Variants in LCORL observed in about 807,000 individuals in gnomAD.
The protein encoded by LCORL is ligand dependent nuclear receptor corepressor like.
LCORL carries 41 observed loss-of-function variants against 141.8 expected under a neutral mutation model. The observed-to-expected ratio is 0.29, with a 90% CI of 0.23 to 0.38. The LOEUF is 0.38. Ranked by LOEUF, LCORL falls within the 10% of genes least tolerant of loss-of-function variation. The probability of loss-of-function intolerance (pLI) is 1.00; values close to 1 mark genes in which losing one functional copy is unlikely to be tolerated. For synonymous variants in LCORL, 618 were observed against 694.1 expected (o/e 0.89, Z 1.72); for missense variants, 1,759 against 2,035.0 (o/e 0.86, Z 2.61).
chr4:17,875,524 CA>C lies in LCORL; in HGVS notation c.3465del (p.His1155GlnfsTer7). Reference sequence around the variant, plus strand: ...CTTATGTTTACCCTTCCTTCAGAAACATGCCTTTTAGTTCTTCTTGACCTTC... The same window carrying C: ...CTTATGTTTACCCTTCCTTCAGAAACTGCCTTTTAGTTCTTCTTGACCTTC... On this transcript the variant is annotated frameshift_variant, in exon 7 of 8. Coordinates refer to ENST00000635767, the Ensembl canonical transcript of LCORL. LOFTEE classifies it high-confidence loss of function. 8.1e-7 allele frequency: 1 copy of C among 1,231,296 alleles called. No homozygotes were observed. 76.3% of individuals were successfully genotyped at this position (1,231,296 alleles called of 1,614,324 possible).
intron 1 of LCORL, among the ~76,000 whole-genome samples, chr4:17,987,625 T>G (rs1719219095): frequency 6.6e-6 from 1 of 152,174 alleles, no homozygotes; most frequent in South Asian, 2.1e-4. Flanking sequence ...GACAAACTGC[T>G]TCCCAAAGTG....
At chr4:17,902,552 T>C (rs1465527994) in intron 5 of LCORL, among the ~76,000 whole-genome samples, 3 of 152,110 alleles carry the variant, frequency 2.0e-5, no homozygotes, top group African/African-American at 7.2e-5. Context: ...CCAAACAGAA[T>C]TACAAAACTT....
chr4:17,966,753 T>G (rs1714964992), intron 2 of LCORL, among the ~76,000 whole-genome samples: 2 of 152,200 alleles, frequency 1.3e-5, no homozygotes, highest in Non-Finnish European at 2.9e-5. Context: ...ACTATATACC[T>G]GTTAGAATGG....
chr4:17,842,448 C>G, exon 8 of LCORL: 1 of 1,289,236 alleles, frequency 7.8e-7, no homozygotes, highest in South Asian at 1.2e-5. Context: ...TAGAAAAAAA[C>G]TAATTTTCTT....
At chr4:17,970,742 G>A (rs1489043667) in intron 2 of LCORL, among the ~76,000 whole-genome samples, 1 of 152,116 alleles carries the variant, frequency 6.6e-6, no homozygotes, top group East Asian at 1.9e-4. Flanking sequence ...TAATCCACAA[G>A]TTCTCTGAAA....
chr4:17,862,954 G>A (rs1166131105), intron 7 of LCORL, among the ~76,000 whole-genome samples: 1 of 151,918 alleles, frequency 6.6e-6, no homozygotes, highest in Non-Finnish European at 1.5e-5. Context: ...CATGCATCTG[G>A]CAAAGGTCTA....
At chr4:17,841,606 T>G (rs1268917957) in exon 8 of LCORL, 2 of 151,968 alleles carry the variant, frequency 1.3e-5, no homozygotes, top group African/African-American at 4.8e-5. Flanking sequence ...CAGATTTTTT[T>G]TGTGGTATAT....
At chr4:17,963,000 T>C (rs1380075333) in exon 3 of LCORL, 3 of 1,597,840 alleles carry the variant, frequency 1.9e-6, no homozygotes, top group Non-Finnish European at 2.6e-6. Flanking sequence ...GGTTACAAAA[T>C]GAACATTTTT....
chr4:17,862,515 C>G (rs1725132577), intron 7 of LCORL, among the ~76,000 whole-genome samples: 1 of 152,092 alleles, frequency 6.6e-6, no homozygotes, highest in Non-Finnish European at 1.5e-5. Flanking sequence ...GGTACTAGTA[C>G]AAAAGCAGAC....
intron 4 of LCORL, among the ~76,000 whole-genome samples, chr4:17,927,302 C>T (rs1181305789): frequency 3.3e-5 from 5 of 152,178 alleles, no homozygotes; most frequent in African/African-American, 9.7e-5. Context: ...TTTGTCTTAA[C>T]GGAATGTCAT....
At chr4:17,962,906 A>T (rs1453286495) in intron 3 of LCORL, 64 bp downstream of exon 3, 17 of 751,584 alleles carry the variant, frequency 2.3e-5, no homozygotes, top group African/African-American at 6.0e-5. Flanking sequence ...AAATTAAGAT[A>T]AAAAAAAAAC....
intron 4 of LCORL, chr4:17,912,484 C>A: frequency 3.8e-6 from 2 of 524,492 alleles, no homozygotes; most frequent in South Asian, 1.5e-5. Flanking sequence ...TCAGAAGAAC[C>A]GACAGGAACT....
chr4:18,015,348 C>T (rs1313635396), intron 1 of LCORL, among the ~76,000 whole-genome samples: 1 of 152,058 alleles, frequency 6.6e-6, no homozygotes, highest in Non-Finnish European at 1.5e-5. Context: ...CTAACATTTA[C>T]AAAATATAAA....
chr4:17,997,250 C>CTTG (rs1721059569), intron 1 of LCORL, among the ~76,000 whole-genome samples: 1 of 152,200 alleles, frequency 6.6e-6, no homozygotes, highest in Admixed American at 6.5e-5. Flanking sequence ...TCCAATCTTA[C>CTTG]TTGTTGGAAT....
At chr4:17,962,693 C>A (rs1367947860) in intron 3 of LCORL, among the ~76,000 whole-genome samples, 1 of 151,634 alleles carries the variant, frequency 6.6e-6, no homozygotes, top group African/African-American at 2.4e-5. Flanking sequence ...ACAAAATAGA[C>A]CTGAACTAAA....
chr4:17,959,762 C>T (rs1713407549), intron 4 of LCORL, among the ~76,000 whole-genome samples: 1 of 151,936 alleles, frequency 6.6e-6, no homozygotes, highest in South Asian at 2.1e-4. Flanking sequence ...ATACTAATGC[C>T]ATCCATATCC....
intron 1 of LCORL, among the ~76,000 whole-genome samples, chr4:18,007,570 A>T (rs916507992): frequency 6.6e-6 from 1 of 152,212 alleles, no homozygotes; most frequent in Non-Finnish European, 1.5e-5. Context: ...TCATGAAGAC[A>T]ATCTAATACA....
At chr4:17,902,784 T>C (rs946756700) in intron 5 of LCORL, among the ~76,000 whole-genome samples, 1 of 152,010 alleles carries the variant, frequency 6.6e-6, no homozygotes, top group Non-Finnish European at 1.5e-5. Flanking sequence ...TTAGTATTAG[T>C]CCTATACATA....
intron 1 of LCORL, among the ~76,000 whole-genome samples, chr4:18,008,827 A>G (rs1723217421): frequency 1.3e-5 from 2 of 152,200 alleles, no homozygotes; most frequent in Non-Finnish European, 2.9e-5. Context: ...TTAATTCACA[A>G]GAACATACGT....
Sources: allele counts gnomAD v4.1 joint callset (sites outside exome capture counted in the v4.1 genomes callset), GRCh38; gene constraint gnomAD v4.1.1; transcripts MANE v1.5; gene names NCBI Gene and HGNC (gene_info 2026-07-23, HGNC 2026-07-21).